UPB1: variants seen among roughly 807,000 people sequenced by gnomAD.
UPB1 encodes beta-ureidopropionase 1.
In UPB1, 40 loss-of-function variants were observed where a neutral mutation model predicts 49.1. The observed-to-expected ratio is 0.81, with a 90% CI of 0.63 to 1.06. The LOEUF is 1.06. UPB1 is among the 50% of genes least tolerant of loss of function. The pLI is 0.00. For synonymous variants in UPB1, 207 were observed against 198.2 expected (o/e 1.04, Z -0.38); for missense variants, 499 against 505.9 (o/e 0.99, Z 0.13).
intron 1 of UPB1, among the ~76,000 whole-genome samples, chr22:24,497,653 A>T (rs2043917194): frequency 6.6e-6 from 1 of 152,210 alleles, no homozygotes; most frequent in Non-Finnish European, 1.5e-5. Context: ...TCTGAAAGCC[A>T]ACTACAGGGA....
chr22:24,502,044 T>C (rs895774324), intron 2 of UPB1, 82 bp from the exon 3 acceptor site: 7 of 1,446,744 alleles, frequency 4.8e-6, no homozygotes, highest in Non-Finnish European at 6.8e-6. Flanking sequence ...GGCATTGATT[T>C]TTCCATATGC....
chr22:24,519,883 C>T (rs1327770078), intron 6 of UPB1: 5 of 243,560 alleles, frequency 2.1e-5, no homozygotes, highest in South Asian at 1.5e-4. Flanking sequence ...ACCAGGCCCC[C>T]GGCTCCCTTC....
rs2044481410 is a variant in UPB1, at chr22:24,526,358, C to G, written c.*564C>G. 5.2e-6 allele frequency: 1 copy of G among 192,736 alleles called. No individual in the cohort carries two copies. The highest frequency in any genetic ancestry group is 2.4e-5 in the African/African-American group (1 of 42,444). The allele number at this position is 192,736 out of a possible 1,614,324, so 11.9% of individuals were successfully genotyped here. On this transcript the variant is annotated 3_prime_UTR_variant, in exon 10 of 10. Transcript: ENST00000326010. ...CAATTGACTAAGTAAGTGAGATTAT[C>G]TCAGATAATCTGGGTCAGCCTGACC...
At chr22:24,521,329 A>G (rs1461089598) in intron 7 of UPB1, among the ~76,000 whole-genome samples, 3 of 152,002 alleles carry the variant, frequency 2.0e-5, no homozygotes, top group Non-Finnish European at 4.4e-5. Flanking sequence ...TGAAAATACA[A>G]AAAATTAGCC....
At chr22:24,495,529 C>A (rs372750237) in intron 1 of UPB1, 22 bp downstream of exon 1, 56 of 1,611,964 alleles carry the variant, frequency 3.5e-5, no homozygotes, top group Middle Eastern at 1.6e-4. Context: ...AGAGGCTAAG[C>A]TAATGGGGTC....
intron 8 of UPB1, among the ~76,000 whole-genome samples, chr22:24,523,376 G>A (rs1173699360): frequency 2.6e-5 from 4 of 152,228 alleles, no homozygotes; most frequent in African/African-American, 7.2e-5. Flanking sequence ...CCTCTCAGAA[G>A]GGTGACATTT....
rs145857732 is a variant in UPB1 at position 24,525,737 on chromosome 22, A to G, written c.1098A>G (p.Ala366=). ...TGACGGGCAGGTATGAGATGTACGC[A>G]CGGGAGCTCGCCGAAGCTGTCAAGT... is the stretch of plus-strand genomic sequence containing the variant. ...FKMTGRYEMY[A]RELAEAVKSN... Residue 366 remains alanine (A), a synonymous_variant, in exon 10 of 10, where the codon GCA becomes GCG. Coordinates refer to ENST00000326010, the MANE Select transcript of UPB1 (RefSeq NM_016327.3). 9 of 1,614,074 alleles carry G rather than the reference A, an allele frequency of 5.6e-6. No individual in the cohort carries two copies. In the African/African-American group the frequency reaches 1.2e-4, roughly 22 times the overall value.
intron 3 of UPB1, among the ~76,000 whole-genome samples, chr22:24,509,605 A>C (rs1281961420): frequency 6.6e-6 from 1 of 152,104 alleles, no homozygotes; most frequent in Non-Finnish European, 1.5e-5. Flanking sequence ...TCCCAGTGCC[A>C]TCCCCAGCAG....
intron 4 of UPB1, among the ~76,000 whole-genome samples, chr22:24,511,598 T>TTATATA (rs764546743): frequency 2.9e-5 from 4 of 136,604 alleles, no homozygotes; most frequent in African/African-American, 1.1e-4. Flanking sequence ...GCTCTGTGAA[T>TTATATA]TATATATATA....
intron 6 of UPB1, among the ~76,000 whole-genome samples, chr22:24,518,562 T>TC (rs746244896): frequency 8.5e-5 from 13 of 152,186 alleles, no homozygotes; most frequent in Non-Finnish European, 1.5e-4. Flanking sequence ...CAGCATTGGA[T>TC]CACAGCATCC....
At chr22:24,525,270 C>T (rs2044463768) in intron 9 of UPB1, among the ~76,000 whole-genome samples, 1 of 152,136 alleles carries the variant, frequency 6.6e-6, no homozygotes, top group African/African-American at 2.4e-5. Context: ...CCAACTCCAC[C>T]AGCCTCTGTA....
Position 24,526,053 on chromosome 22 carries a change from G to A in UPB1, c.*259G>A. Reference sequence around the variant, plus strand: ...CCACTGAATTTGTATACTTCAGAATGTTTGTTATGTAAATTTTACCTCAAC... The same window carrying A: ...CCACTGAATTTGTATACTTCAGAATATTTGTTATGTAAATTTTACCTCAAC... On this transcript the variant is annotated 3_prime_UTR_variant, in exon 10 of 10. Coordinates refer to ENST00000326010, the MANE Select transcript of UPB1 (RefSeq NM_016327.3). 6.2e-6 allele frequency: 3 copies of A among 485,362 alleles called. No homozygotes were observed. Among genetic ancestry groups the A allele is most frequent in the Non-Finnish European group, 1.1e-5 (3 of 265,438 alleles). 30.1% of individuals were successfully genotyped at this position (485,362 alleles called of 1,614,324 possible).
chr22:24,506,951 C>T (rs940899037), intron 3 of UPB1, among the ~76,000 whole-genome samples: 2 of 152,140 alleles, frequency 1.3e-5, no homozygotes, highest in Non-Finnish European at 2.9e-5. Context: ...GTTGTGTGGC[C>T]GCACCAGGTT....
In UPB1 at chr22:24,498,615, T is replaced by C. The variant is rs1330471329; in HGVS notation, c.105-1492T>C. ...ATAAGGAGGTGGGCAGCCTCAGGGC[T>C]GGCTAGGCGGAGGCATCACTTGGGG... is the stretch of plus-strand genomic sequence containing the variant. On this transcript the variant is annotated intron_variant, in intron 1 of 9. Transcript: ENST00000326010. Among the ~76,000 whole-genome samples, 2 of 152,126 alleles carry C rather than the reference T, an allele frequency of 1.3e-5. 1 individual carries two copies. Among genetic ancestry groups the C allele is most frequent in the Non-Finnish European group, 2.9e-5 (2 of 68,016 alleles).
chr22:24,500,854 C>T (rs2043982666), intron 2 of UPB1, among the ~76,000 whole-genome samples: 1 of 152,218 alleles, frequency 6.6e-6, no homozygotes, highest in Non-Finnish European at 1.5e-5. Flanking sequence ...TACACTTCTC[C>T]ACAGCATTCC....
At chr22:24,510,597 G>A in intron 3 of UPB1, 152 bp from the exon 4 acceptor site, 1 of 798,746 alleles carries the variant, frequency 1.3e-6, no homozygotes, top group East Asian at 2.7e-5. Context: ...CAGAGGTAAG[G>A]GCTGCCCACA....
At chr22:24,499,029 G>T (rs556518437) in intron 1 of UPB1, among the ~76,000 whole-genome samples, 1 of 152,312 alleles carries the variant, frequency 6.6e-6, no homozygotes, top group South Asian at 2.1e-4. Flanking sequence ...GGAGAGGCAC[G>T]GTGTGGGCAC....
intron 6 of UPB1, among the ~76,000 whole-genome samples, chr22:24,516,220 A>G (rs2044290704): frequency 6.6e-6 from 1 of 152,194 alleles, no homozygotes; most frequent in Admixed American, 6.5e-5. Context: ...TTTATAACAC[A>G]TAACAAGTGT....
Position 24,502,156 on chromosome 22 carries a change from A to C in UPB1, c.307A>C (p.Ile103Leu), listed in dbSNP as rs749037327. ...TGCCCTTCATAGACGCATAAAGGCT[A>C]TCGTAGAGGTGGCTGCAATGTGTGG... ...VSALHRRIKA[I>L]VEVAAMCGVN... The change falls in exon 3 of 10, where the codon ATC becomes CTC. Residue 103 changes from isoleucine to leucine, a missense_variant. Coordinates refer to ENST00000326010, the MANE Select transcript of UPB1 (RefSeq NM_016327.3). 1.3e-5 allele frequency: 21 copies of C among 1,614,104 alleles called. No individual in the cohort carries two copies. In the Admixed American group the frequency reaches 3.2e-4, roughly 24 times the overall value.
Sources: allele counts gnomAD v4.1 joint callset (sites outside exome capture counted in the v4.1 genomes callset), GRCh38; gene constraint gnomAD v4.1.1; transcripts MANE v1.5; gene names NCBI Gene and HGNC (gene_info 2026-07-23, HGNC 2026-07-21).